The following TP53BP1 variants were observed in gnomAD, a reference collection of about 807,000 sequenced individuals.
TP53BP1 encodes the protein tumor protein p53 binding protein 1, also known as TP53-binding protein 1.
TP53BP1 carries 61 observed loss-of-function variants against 200.8 expected under a neutral mutation model. The ratio of observed to expected loss-of-function variants is 0.30; its 90% CI spans 0.25 to 0.38. The LOEUF is 0.38. TP53BP1 is among the 10% of genes least tolerant of loss of function. The probability of loss-of-function intolerance (pLI) is 1.00; values close to 1 mark genes in which losing one functional copy is unlikely to be tolerated. For synonymous variants in TP53BP1, 822 were observed against 844.3 expected (o/e 0.97, Z 0.46); for missense variants, 2,144 against 2,371.9 (o/e 0.90, Z 2.00).
At chr15:43,446,703 G>A in intron 13 of TP53BP1, 113 bp from the exon 14 acceptor site, 1 of 1,542,006 alleles carries the variant, frequency 6.5e-7, no homozygotes. Context: ...CTGCAGGATT[G>A]AAGGAGGTTC....
At position 43,456,302 on chromosome 15, in the gene TP53BP1, G is replaced by A. The variant is rs2046295072; in HGVS notation, c.2306C>T (p.Pro769Leu). ...ACAAGAAACATCAACTCTGGGAGAT[G>A]GCTCTTTCACATCTACAATGACAAC... ...SSVVIVDVKE[P>L]SPRVDVSCEP... The change falls in exon 12 of 28, where the codon CCA becomes CTA. Residue 769 changes from proline to leucine, a missense_variant. Pro to Leu is a moderately conservative substitution (Grantham distance 98). This residue lies in a region of TP53BP1 where 1,700 missense variants were observed against 1,710.3 expected (regional missense o/e 0.99). Transcript: ENST00000382044. 1 of 1,613,958 alleles carries A rather than the reference G, an allele frequency of 6.2e-7. No homozygotes were observed. Among genetic ancestry groups the A allele is most frequent in the South Asian group, 1.1e-5 (1 of 91,094 alleles).
intron 12 of TP53BP1, among the ~76,000 whole-genome samples, chr15:43,455,523 TA>T (rs1223720155): frequency 6.6e-6 from 1 of 152,014 alleles, no homozygotes; most frequent in Non-Finnish European, 1.5e-5. Context: ...AGTTCGAGAC[TA>T]GCCTGGCTAA....
intron 24 of TP53BP1, among the ~76,000 whole-genome samples, chr15:43,409,999 G>T (rs761524438): frequency 2.0e-5 from 3 of 152,110 alleles, no homozygotes; most frequent in Non-Finnish European, 2.9e-5. Flanking sequence ...AACATCAAAG[G>T]TTCCTGCACC....
Position 43,406,802 on chromosome 15 carries a change from A to G in TP53BP1, c.*581T>C. 1 of 351,450 alleles carries G rather than the reference A, an allele frequency of 2.8e-6. No individual in the cohort carries two copies. Among genetic ancestry groups the G allele is most frequent in the Non-Finnish European group, 5.5e-6 (1 of 180,212 alleles). 21.8% of individuals were successfully genotyped at this position (351,450 alleles called of 1,614,324 possible). On this transcript the variant is annotated 3_prime_UTR_variant, in exon 28 of 28. Coordinates refer to ENST00000382044, the MANE Select transcript of TP53BP1 (RefSeq NM_001141980.3). The stretch of plus-strand genomic sequence containing the variant: ...TATCTTACGGAAGGTCATTCCATCA[A>G]GCTTATGGTCACTGTCCCTTCATGG...
intron 12 of TP53BP1, 39 bp downstream of exon 12, chr15:43,455,853 A>G (rs1490864034): frequency 6.2e-7 from 1 of 1,604,576 alleles, no homozygotes; most frequent in Non-Finnish European, 8.5e-7. Flanking sequence ...CCAGATTATA[A>G]TTTAGGTGGA....
Position 43,477,650 on chromosome 15 carries a change from G to T in TP53BP1, c.898C>A (p.Pro300Thr). ...MESGLQIQKS[P>T]EPEVLSTQED... is the part of the protein sequence containing the mutation. The stretch of plus-strand genomic sequence containing the variant: ...TGAGTTGACAAAACCTCAGGCTCTG[G>T]TGACTTCTGAATCTGCAGTCCACTT... The change falls in exon 8 of 28, where the codon CCA (proline) becomes ACA (threonine). Residue 300 changes from proline (P) to threonine (T), a missense_variant. This residue lies in a region of TP53BP1 where 1,700 missense variants were observed against 1,710.3 expected (regional missense o/e 0.99). Coordinates refer to ENST00000382044, the MANE Select transcript of TP53BP1 (RefSeq NM_001141980.3). 6.2e-7 allele frequency: 1 copy of T among 1,613,838 alleles called. No homozygotes were observed. The highest frequency in any genetic ancestry group is 8.5e-7 in the Non-Finnish European group (1 of 1,179,898).
intron 4 of TP53BP1, among the ~76,000 whole-genome samples, chr15:43,490,357 G>T (rs965292969): frequency 2.0e-5 from 3 of 151,738 alleles, no homozygotes; most frequent in African/African-American, 7.3e-5. Context: ...CGAAGTGCTG[G>T]GATTACAGGT....
At chr15:43,446,992 C>G (rs1218434671) in intron 13 of TP53BP1, 1 of 515,934 alleles carries the variant, frequency 1.9e-6, no homozygotes, top group African/African-American at 1.9e-5. Context: ...CTTGCCCTGT[C>G]AAGCAGCAGA....
intron 11 of TP53BP1, among the ~76,000 whole-genome samples, chr15:43,458,155 G>T (rs1230450813): frequency 6.6e-6 from 1 of 152,202 alleles, no homozygotes; most frequent in African/African-American, 2.4e-5. Context: ...ACATAGGCCA[G>T]GCACGGTGGC....
chr15:43,474,858 T>C, intron 9 of TP53BP1, 91 bp from the exon 10 acceptor site: 7 of 854,590 alleles, frequency 8.2e-6, no homozygotes, highest in South Asian at 1.6e-5. Flanking sequence ...GGAAAAAATA[T>C]CTAAGGCATT....
At chr15:43,447,072 A>G (rs2046058650) in intron 13 of TP53BP1, 5 of 464,334 alleles carry the variant, frequency 1.1e-5, no homozygotes, top group South Asian at 2.0e-5. Context: ...CTTATAAAAC[A>G]TCTCTACATC....
intron 10 of TP53BP1, among the ~76,000 whole-genome samples, chr15:43,474,183 C>T (rs1001610462): frequency 6.6e-6 from 1 of 152,166 alleles, no homozygotes; most frequent in Admixed American, 6.5e-5. Flanking sequence ...GTGCAGGACC[C>T]GCCAAGCCCA....
rs761005820 is a variant in TP53BP1, at chr15:43,428,081, C to A, written c.3763G>T (p.Val1255Phe). The part of the protein sequence containing the change: ...MRTIREVRTL[V>F]TRVITDVYYV... ...TACACATCTGTAATGACACGAGTGA[C>A]AAGTGTGCGTACTTCCCGGATTGTT... Residue 1255 changes from valine (V) to phenylalanine (F), a missense_variant, in exon 18 of 28, where the codon GTC becomes TTC. Around this residue, in one of 4 missense-constraint regions of TP53BP1, gnomAD observed 1,700 missense variants for 1,710.3 expected, o/e 0.99. Transcript: ENST00000382044. 8.1e-6 allele frequency: 13 copies of A among 1,613,124 alleles called. No homozygotes were observed. Among genetic ancestry groups the A allele is most frequent in the Non-Finnish European group, 1.1e-5 (13 of 1,179,216 alleles).
intron 26 of TP53BP1, 86 bp from the exon 27 acceptor site, chr15:43,408,174 A>C: frequency 7.4e-7 from 1 of 1,350,042 alleles, no homozygotes; most frequent in Non-Finnish European, 1.0e-6. Context: ...GTACATCTGA[A>C]TGCTTTCAAA....
chr15:43,456,278 C>T lies in TP53BP1; in HGVS notation c.2330G>A (p.Cys777Tyr), dbSNP rs753988019. The T allele has an allele frequency of 1.9e-6, 3 of 1,614,058 alleles. No individual in the cohort carries two copies. The highest frequency in any genetic ancestry group is 2.5e-6 in the Non-Finnish European group (3 of 1,180,050). Residue 777 changes from cysteine (C) to tyrosine (Y), a missense_variant, in exon 12 of 28, where the codon TGT (cysteine) becomes TAT (tyrosine). This residue lies in a region of TP53BP1 where 1,700 missense variants were observed against 1,710.3 expected (regional missense o/e 0.99). Transcript: ENST00000382044. ...CTTCTCCACTCCCTCCAAAGGTTCA[C>T]AAGAAACATCAACTCTGGGAGATGG... Reference protein sequence around the residue: ...KEPSPRVDVSCEPLEGVEKCS... With the variant: ...KEPSPRVDVSYEPLEGVEKCS...
chr15:43,457,157 T>C lies in TP53BP1; in HGVS notation c.1451A>G (p.Asp484Gly). 6.2e-7 allele frequency: 1 copy of C among 1,612,856 alleles called. No homozygotes were observed. The highest frequency in any genetic ancestry group is 8.5e-7 in the Non-Finnish European group (1 of 1,179,182). Residue 484 changes from aspartate (D) to glycine (G), a missense_variant, in exon 12 of 28, where the codon GAT (aspartate) becomes GGT (glycine). Asp to Gly is a moderately conservative substitution (Grantham distance 94, BLOSUM62 -1). Transcript: ENST00000382044. ...AACTGTCAAAGATGAACTATGCATA[T>C]CTCCATCTTTCTTCCCATCATTTGA... ...EQSNDGKKDG[D>G]MHSSSLTVEC... is the part of the protein sequence containing the mutation.
At chr15:43,481,491 AC>A (rs1257563053) in intron 4 of TP53BP1, among the ~76,000 whole-genome samples, 2 of 150,026 alleles carry the variant, frequency 1.3e-5, no homozygotes, top group Non-Finnish European at 3.0e-5. Flanking sequence ...ACACACACAC[AC>A]TTTTTATTTT....
chr15:43,493,121 G>T lies in TP53BP1; in HGVS notation c.-78C>A. 1 of 1,593,632 alleles carries T rather than the reference G, an allele frequency of 6.3e-7. No homozygotes were observed. The highest frequency in any genetic ancestry group is 2.3e-5 in the East Asian group (1 of 43,966). ...GTCCCTCCAGATCGATCCCTAGGTC[G>T]CCGCTGTCGCCACCGCCGCCACCGG... On this transcript the variant is annotated 5_prime_UTR_variant, in exon 1 of 28. Coordinates refer to ENST00000382044, the MANE Select transcript of TP53BP1 (RefSeq NM_001141980.3).
Position 43,406,686 on chromosome 15 carries a change from A to G in TP53BP1, c.*697T>C. ...CAGAGGAAGGGAAGGAACTGCTTCC[A>G]GCTATTGTGACAATAATAATAATAA... On this transcript the variant is annotated 3_prime_UTR_variant, in exon 28 of 28. Coordinates refer to ENST00000382044, the MANE Select transcript of TP53BP1 (RefSeq NM_001141980.3). The G allele has an allele frequency of 2.3e-6, 1 of 442,660 alleles. No homozygotes were observed. 27.4% of individuals were successfully genotyped at this position (442,660 alleles called of 1,614,324 possible). A position where few individuals can be genotyped will look rare whatever the true frequency, so the allele number is the denominator to read the frequency against.
Sources: allele counts gnomAD v4.1 joint callset (sites outside exome capture counted in the v4.1 genomes callset), GRCh38; gene constraint gnomAD v4.1.1; regional missense constraint gnomAD v4.1.1; transcripts MANE v1.5; gene names NCBI Gene and HGNC (gene_info 2026-07-23, HGNC 2026-07-21).